STPG2: variants seen among roughly 807,000 people sequenced by gnomAD.
The protein encoded by STPG2 is sperm-tail PG-rich repeat-containing protein 2.
Under a neutral mutation model 54.2 loss-of-function variants are expected in STPG2, and 56 were observed. The ratio of observed to expected loss-of-function variants is 1.03; its 90% CI spans 0.83 to 1.29. The LOEUF (loss-of-function observed/expected upper bound fraction) is 1.29. STPG2 is among the 50% of genes most tolerant of loss of function. STPG2 has a pLI of 0.00. For synonymous variants in STPG2, 200 were observed against 181.8 expected, an observed-to-expected ratio of 1.10 and a Z score of -0.81; for missense variants, 596 against 544.9, an observed-to-expected ratio of 1.09 and a Z score of -0.93.
chr4:98,026,156 G>A (rs541531518), intron 5 of STPG2: 1 of 1,460,998 alleles, frequency 6.8e-7, no homozygotes, highest in East Asian at 2.3e-5. Context: ...CAAGAAAGAA[G>A]TTAAAAAGAG....
chr4:97,901,497 A>G (rs983648114), intron 8 of STPG2, among the ~76,000 whole-genome samples: 2 of 152,048 alleles, frequency 1.3e-5, no homozygotes, highest in African/African-American at 2.4e-5. Flanking sequence ...GTTACAGAAT[A>G]CAAAATTAAC....
chr4:97,578,895 A>G (rs769315955), intron 10 of STPG2, among the ~76,000 whole-genome samples: 3 of 152,162 alleles, frequency 2.0e-5, no homozygotes, highest in Admixed American at 6.6e-5. Flanking sequence ...TCCACTGGCT[A>G]GGAACTGAAA....
At chr4:98,024,135 A>G (rs1736335668) in intron 5 of STPG2, among the ~76,000 whole-genome samples, 1 of 152,156 alleles carries the variant, frequency 6.6e-6, no homozygotes, top group South Asian at 2.1e-4. Flanking sequence ...TCACGCTGGG[A>G]GCTGTAGACC....
At chr4:97,935,765 T>A (rs1362863686) in intron 8 of STPG2, among the ~76,000 whole-genome samples, 1 of 152,208 alleles carries the variant, frequency 6.6e-6, no homozygotes, top group Non-Finnish European at 1.5e-5. Context: ...ATTTCTGTTC[T>A]TTTGCATTTG....
intron 8 of STPG2, among the ~76,000 whole-genome samples, chr4:97,917,785 C>CT (rs974821735): frequency 2.6e-5 from 4 of 151,936 alleles, no homozygotes; most frequent in Non-Finnish European, 4.4e-5. Flanking sequence ...TCTCTGGACA[C>CT]TTTTTTTTAG....
chr4:97,659,861 G>A (rs1233851021), intron 10 of STPG2, among the ~76,000 whole-genome samples: 1 of 152,186 alleles, frequency 6.6e-6, no homozygotes, highest in Non-Finnish European at 1.5e-5. Flanking sequence ...CAGCCCACTA[G>A]TGTATGTTCT....
chr4:97,607,421 G>A (rs997534155), intron 10 of STPG2, among the ~76,000 whole-genome samples: 2 of 151,948 alleles, frequency 1.3e-5, no homozygotes, highest in Non-Finnish European at 2.9e-5. Flanking sequence ...CATAACTCTT[G>A]GATTCACCAC....
At chr4:97,489,335 C>A (rs1210336324) in intron 4 of STPG2, among the ~76,000 whole-genome samples, 1 of 151,710 alleles carries the variant, frequency 6.6e-6, no homozygotes, top group Admixed American at 6.6e-5. Context: ...TAAATCGATA[C>A]TAGTAGAAAT....
chr4:97,647,319 C>T (rs1721940360), intron 10 of STPG2, among the ~76,000 whole-genome samples: 2 of 152,050 alleles, frequency 1.3e-5, no homozygotes, highest in African/African-American at 4.8e-5. Flanking sequence ...GTGTCTGATC[C>T]TGGATTTATT....
At chr4:98,136,066 T>C (rs568523522) in intron 1 of STPG2, among the ~76,000 whole-genome samples, 7 of 151,712 alleles carry the variant, frequency 4.6e-5, no homozygotes, top group Non-Finnish European at 8.9e-5. Flanking sequence ...AAGAATACTA[T>C]ATATAATCTA....
chr4:97,998,854 TG>T (rs1425564200), intron 5 of STPG2, among the ~76,000 whole-genome samples: 1 of 152,174 alleles, frequency 6.6e-6, no homozygotes, highest in African/African-American at 2.4e-5. Flanking sequence ...GATTCTGTGG[TG>T]TTCCATGCAC....
intron 8 of STPG2, among the ~76,000 whole-genome samples, chr4:97,869,180 A>C (rs1729894513): frequency 6.6e-6 from 1 of 151,812 alleles, no homozygotes; most frequent in African/African-American, 2.4e-5. Context: ...TACACAAAAC[A>C]CCTTAATATT....
intron 10 of STPG2, among the ~76,000 whole-genome samples, chr4:97,625,501 G>A (rs1182486735): frequency 6.6e-6 from 1 of 152,128 alleles, no homozygotes; most frequent in African/African-American, 2.4e-5. Flanking sequence ...TTTTAGTAGA[G>A]ACAGGGTTTC....
intron 9 of STPG2, among the ~76,000 whole-genome samples, chr4:97,724,622 A>C (rs955813499): frequency 6.6e-6 from 1 of 152,090 alleles, no homozygotes; most frequent in Non-Finnish European, 1.5e-5. Flanking sequence ...ATATTTTTTA[A>C]ATTTGCTATA....
chr4:97,978,826 A>G (rs1734577382), intron 6 of STPG2, among the ~76,000 whole-genome samples: 1 of 152,186 alleles, frequency 6.6e-6, no homozygotes, highest in African/African-American at 2.4e-5. Context: ...GCTTAAAGGA[A>G]AAGATGTAAA....
chr4:97,726,252 T>G, intron 9 of STPG2, among the ~76,000 whole-genome samples: 1 of 151,894 alleles, frequency 6.6e-6, no homozygotes, highest in East Asian at 1.9e-4. Context: ...AGTAGTCAAA[T>G]TCATAGAGAC....
At chr4:97,628,954 C>A (rs1176807638) in intron 10 of STPG2, among the ~76,000 whole-genome samples, 2 of 152,030 alleles carry the variant, frequency 1.3e-5, no homozygotes, top group African/African-American at 2.4e-5. Flanking sequence ...CTTATTTAAG[C>A]TTTCCAAAGC....
chr4:98,058,196 A>T (rs777323462), intron 5 of STPG2, among the ~76,000 whole-genome samples: 1 of 152,224 alleles, frequency 6.6e-6, no homozygotes, highest in African/African-American at 2.4e-5. Context: ...TGGCAGGATC[A>T]AATCTGCACA....
intron 9 of STPG2, among the ~76,000 whole-genome samples, chr4:97,723,589 T>C (rs1724522597): frequency 1.3e-5 from 2 of 152,214 alleles, no homozygotes; most frequent in African/African-American, 4.8e-5. Context: ...CATGGTATTT[T>C]GTAAGGATCT....
Sources: allele counts gnomAD v4.1 joint callset (sites outside exome capture counted in the v4.1 genomes callset), GRCh38; gene constraint gnomAD v4.1.1; transcripts MANE v1.5; gene names NCBI Gene and HGNC (gene_info 2026-07-23, HGNC 2026-07-21).